RASA1: variants seen among roughly 807,000 people sequenced by gnomAD.
RASA1 encodes the protein RAS p21 protein activator 1.
A neutral mutation model predicts 132.2 loss-of-function variants in RASA1; 25 were observed. That is an observed-to-expected ratio of 0.19 (90% confidence interval 0.14 to 0.26). The LOEUF is 0.26. Ranked by LOEUF, RASA1 falls within the 10% of genes least tolerant of loss-of-function variation. The pLI is 1.00. For synonymous variants in RASA1, 477 were observed against 449.9 expected (o/e 1.06, Z -0.76); for missense variants, 964 against 1,299.2 (o/e 0.74, Z 3.97).
intron 1 of RASA1, among the ~76,000 whole-genome samples, chr5:87,273,778 A>G (rs182412469): frequency 1.2e-4 from 18 of 150,216 alleles, no homozygotes; most frequent in Admixed American, 6.0e-4. Flanking sequence ...GCTCACTGCA[A>G]CCTCCGCCTC....
intron 20 of RASA1, among the ~76,000 whole-genome samples, 191 bp downstream of exon 20, chr5:87,380,786 T>C (rs1761656499): frequency 6.6e-6 from 1 of 152,186 alleles, no homozygotes; most frequent in African/African-American, 2.4e-5. Context: ...GTTTGCATTT[T>C]CTAAAAACAT....
chr5:87,268,777 G>A lies in RASA1; in HGVS notation c.326G>A (p.Gly109Glu). The A allele has an allele frequency of 1.2e-6, 2 of 1,614,000 alleles. No individual in the cohort carries two copies. Among genetic ancestry groups the A allele is most frequent in the Non-Finnish European group, 1.7e-6 (2 of 1,179,976 alleles). ...GGCGTGGCCGGTGCTGCTGTTGCTG[G>A]ACCTAGTGGAGACATGGCTCTCACC... is the stretch of plus-strand genomic sequence containing the variant. The part of the protein sequence containing the change: ...AAGVAGAAVA[G>E]PSGDMALTKL... The change falls in exon 1 of 25, where the codon GGA (glycine) becomes GAA (glutamate). Residue 109 changes from glycine to glutamate, a missense_variant. Coordinates refer to ENST00000274376, the MANE Select transcript of RASA1 (RefSeq NM_002890.3).
intron 1 of RASA1, among the ~76,000 whole-genome samples, chr5:87,295,904 C>A (rs1755098894): frequency 6.6e-6 from 1 of 152,000 alleles, no homozygotes; most frequent in Non-Finnish European, 1.5e-5. Context: ...GCAACCTCCA[C>A]CTTCCATATT....
At chr5:87,325,213 T>C (rs1255291371) in intron 1 of RASA1, among the ~76,000 whole-genome samples, 1 of 152,120 alleles carries the variant, frequency 6.6e-6, no homozygotes, top group African/African-American at 2.4e-5. Flanking sequence ...TCGTGAGAAC[T>C]CACTATCACA....
intron 6 of RASA1, among the ~76,000 whole-genome samples, chr5:87,345,354 C>CT (rs1208807355): frequency 6.6e-6 from 1 of 152,072 alleles, no homozygotes; most frequent in Admixed American, 6.6e-5. Context: ...TTTTACCCTT[C>CT]TTTTTTTGAA....
At chr5:87,316,780 C>T (rs980136435) in intron 1 of RASA1, among the ~76,000 whole-genome samples, 1 of 152,060 alleles carries the variant, frequency 6.6e-6, no homozygotes, top group African/African-American at 2.4e-5. Flanking sequence ...TCACTGATTT[C>T]TTCTTGCATG....
At chr5:87,283,297 T>C (rs1754404063) in intron 1 of RASA1, among the ~76,000 whole-genome samples, 1 of 151,968 alleles carries the variant, frequency 6.6e-6, no homozygotes, top group African/African-American at 2.4e-5. Context: ...TGATAGCTGA[T>C]TGAAAATTAA....
At chr5:87,276,156 G>T (rs1189363275) in intron 1 of RASA1, among the ~76,000 whole-genome samples, 1 of 152,068 alleles carries the variant, frequency 6.6e-6, no homozygotes, top group East Asian at 1.9e-4. Context: ...GGGACAGGCT[G>T]GGAGATAGGA....
intron 5 of RASA1, 96 bp downstream of exon 5, chr5:87,338,187 CT>C: frequency 2.6e-6 from 4 of 1,564,228 alleles, no homozygotes; most frequent in African/African-American, 1.4e-5. Flanking sequence ...GAATACATTT[CT>C]TTTATAAAAG....
chr5:87,387,322 C>G (rs868773631), intron 23 of RASA1, among the ~76,000 whole-genome samples: 5 of 152,126 alleles, frequency 3.3e-5, no homozygotes, highest in African/African-American at 1.2e-4. Flanking sequence ...GTCTTCTTTT[C>G]TAGGAATAAA....
intron 6 of RASA1, among the ~76,000 whole-genome samples, chr5:87,346,360 C>T (rs1255234106): frequency 6.6e-6 from 1 of 151,814 alleles, no homozygotes; most frequent in African/African-American, 2.4e-5. Context: ...CCTCCTTCCC[C>T]TTACCCCACA....
intron 6 of RASA1, among the ~76,000 whole-genome samples, chr5:87,344,348 A>G (rs1326986053): frequency 6.6e-6 from 1 of 152,096 alleles, no homozygotes; most frequent in African/African-American, 2.4e-5. Context: ...AAAACAGAAA[A>G]AATAAAAATT....
rs781489230 is a variant in RASA1, at chr5:87,337,996, A to C, written c.922A>C (p.Ile308Leu). ...CAGTTTCTTAAAAGGAGATATGTTC[A>C]TTGTTCATAATGAATTAGAAGATGG... ...EISFLKGDMF[I>L]VHNELEDGWM... The change falls in exon 5 of 25, where the codon ATT becomes CTT. Residue 308 changes from isoleucine to leucine, a missense_variant. By Grantham distance (5) the Ile-to-Leu change is conservative. This residue lies in a region of RASA1 where 154 missense variants were observed against 286.5 expected (regional missense o/e 0.54). Transcript: ENST00000274376. 3 of 1,610,494 alleles carry C rather than the reference A, an allele frequency of 1.9e-6. No individual in the cohort carries two copies. The highest frequency in any genetic ancestry group is 2.5e-6 in the Non-Finnish European group (3 of 1,178,432).
chr5:87,273,378 A>G (rs1384549934), intron 1 of RASA1, among the ~76,000 whole-genome samples: 1 of 152,192 alleles, frequency 6.6e-6, no homozygotes, highest in Non-Finnish European at 1.5e-5. Context: ...CTATATCTAA[A>G]ACTGTTAACA....
rs1047683381 is a variant in RASA1 at position 87,391,660 on chromosome 5, A to G, written c.*777A>G. ...ATCAATGCATGTTACCCATTCAACC[A>G]TTTTATAGACTACCAATTTCTTTTA... On this transcript the variant is annotated 3_prime_UTR_variant, in exon 25 of 25. Transcript: ENST00000274376. 8.6e-6 allele frequency: 2 copies of G among 233,014 alleles called. No homozygotes were observed. Among genetic ancestry groups the G allele is most frequent in the African/African-American group, 4.4e-5 (2 of 45,292 alleles). 14.4% of individuals were successfully genotyped at this position (233,014 alleles called of 1,614,324 possible).
chr5:87,344,678 ATT>A (rs113174684), intron 6 of RASA1, among the ~76,000 whole-genome samples: 20 of 131,210 alleles, frequency 1.5e-4, no homozygotes, highest in South Asian at 2.4e-4. Flanking sequence ...AAATGTTGTA[ATT>A]TTTTTTTTTT....
At chr5:87,349,558 A>AAG (rs1759109150) in intron 8 of RASA1, among the ~76,000 whole-genome samples, 194 bp downstream of exon 8, 1 of 151,984 alleles carries the variant, frequency 6.6e-6, no homozygotes, top group African/African-American at 2.4e-5. Context: ...TTAGTAACTT[A>AAG]TACTTTGTTT....
At chr5:87,281,768 A>T (rs1486904398) in intron 1 of RASA1, among the ~76,000 whole-genome samples, 1 of 151,998 alleles carries the variant, frequency 6.6e-6, no homozygotes, top group Non-Finnish European at 1.5e-5. Context: ...TTTAGTAGAG[A>T]TGGGGTTTCA....
chr5:87,386,966 A>G, intron 23 of RASA1, 63 bp downstream of exon 23: 5 of 1,378,578 alleles, frequency 3.6e-6, no homozygotes, highest in Non-Finnish European at 3.1e-6. Context: ...GAGTTAACCC[A>G]TTTAAGCAGC....
Sources: gnomAD v4.1 joint callset for allele counts (sites outside exome capture counted in the v4.1 genomes callset) on GRCh38, gnomAD v4.1.1 for gene constraint, gnomAD v4.1.1 regional missense constraint, MANE v1.5 for transcripts, NCBI Gene and HGNC (gene_info 2026-07-23, HGNC 2026-07-21) for gene names.